Variants in SMYD3 observed in about 807,000 individuals in gnomAD.
The protein encoded by SMYD3 is histone-lysine N-methyltransferase SMYD3.
Under a neutral mutation model 57.7 loss-of-function variants are expected in SMYD3, and 36 were observed. The ratio of observed to expected loss-of-function variants is 0.62; its 90% CI spans 0.48 to 0.82. The LOEUF (loss-of-function observed/expected upper bound fraction) is 0.82, where lower values mean the gene tolerates loss of function less well. Among genes scored for constraint, SMYD3 ranks in the 40% least tolerant of loss-of-function variants. The pLI is 0.00. For synonymous variants in SMYD3, 211 were observed against 195.0 expected, an observed-to-expected ratio of 1.08 and a Z score of -0.68; for missense variants, 515 against 538.8, an observed-to-expected ratio of 0.96 and a Z score of 0.44.
In SMYD3 at chr1:246,058,623, C is replaced by T. The variant is rs73135706; in HGVS notation, c.532-128686G>A. Among the ~76,000 whole-genome samples the T allele has an allele frequency of 9.6e-3, 1,467 of 152,212 alleles. 20 individuals carry two copies. The highest frequency in any genetic ancestry group is 0.033 in the African/African-American group (1,372 of 41,532). ...GAAGATTGTCTTTCAAAAGCCAGTA[C>T]AAGGAAGCTTGAGGAAAGCTTTTTA... On this transcript the variant is annotated intron_variant, in intron 5 of 11. Coordinates refer to ENST00000490107, the MANE Select transcript of SMYD3 (RefSeq NM_001167740.2).
chr1:245,985,802 A>G (rs2058692689), intron 5 of SMYD3, among the ~76,000 whole-genome samples: 1 of 152,164 alleles, frequency 6.6e-6, no homozygotes, highest in Non-Finnish European at 1.5e-5. Flanking sequence ...GAAAATTATT[A>G]AAATCCCTGC....
intron 5 of SMYD3, among the ~76,000 whole-genome samples, chr1:246,148,885 G>A (rs756685293): frequency 6.6e-5 from 10 of 152,214 alleles, no homozygotes; most frequent in Non-Finnish European, 1.3e-4. Context: ...CAGAGTTACT[G>A]CAGCACTTAA....
intron 5 of SMYD3, among the ~76,000 whole-genome samples, chr1:246,047,491 C>T (rs78687958): frequency 0.032 from 4,904 of 152,188 alleles, 277 homozygotes; most frequent in African/African-American, 0.11. Context: ...ATTGTATTAC[C>T]TCAAAGCATA....
rs574374998 is a variant in SMYD3 at position 246,369,524 on chromosome 1, TTTTC to T, written c.165-14434_165-14431del. On this transcript the variant is annotated intron_variant, in intron 1 of 11. Coordinates refer to ENST00000490107, the MANE Select transcript of SMYD3 (RefSeq NM_001167740.2). The stretch of plus-strand genomic sequence containing the variant: ...GAAAATAGAATTGATTTGGATTCAT[TTTTC>T]TTTCTTTTTTATTTTTGAGACAGGG... Among the ~76,000 whole-genome samples, 52 of 152,128 alleles carry T rather than the reference TTTTC, an allele frequency of 3.4e-4. 1 individual carries two copies. The East Asian group carries it at 7.5e-3, about 22-fold the overall frequency.
chr1:246,384,562 A>AT (rs1376957068), intron 1 of SMYD3, among the ~76,000 whole-genome samples: 37 of 152,146 alleles, frequency 2.4e-4, no homozygotes, highest in African/African-American at 8.7e-4. Context: ...CGCCCGGCTA[A>AT]TTTTTTGTAT....
chr1:246,243,097 G>C (rs905134067), intron 5 of SMYD3, among the ~76,000 whole-genome samples: 1 of 152,134 alleles, frequency 6.6e-6, no homozygotes, highest in Admixed American at 6.5e-5. Context: ...TCTGCACCAA[G>C]TGGACCTAAT....
chr1:246,504,081 A>T (rs766323660), intron 1 of SMYD3, among the ~76,000 whole-genome samples: 5 of 152,140 alleles, frequency 3.3e-5, no homozygotes, highest in Non-Finnish European at 5.9e-5. Context: ...GCCATTCCTT[A>T]ATGAGAGGAA....
chr1:246,420,196 C>CAAA (rs58293193), intron 1 of SMYD3, among the ~76,000 whole-genome samples: 2 of 112,540 alleles, frequency 1.8e-5, no homozygotes, highest in African/African-American at 3.2e-5. Flanking sequence ...AAGACTGTCT[C>CAAA]AAAAAAAAAA....
chr1:245,857,200 T>C (rs1476443271), intron 10 of SMYD3, among the ~76,000 whole-genome samples: 1 of 152,186 alleles, frequency 6.6e-6, no homozygotes, highest in Non-Finnish European at 1.5e-5. Context: ...CCCGAAAACA[T>C]GCTCAGGGTC....
intron 1 of SMYD3, among the ~76,000 whole-genome samples, chr1:246,492,366 A>G (rs1558489697): frequency 6.6e-6 from 1 of 152,208 alleles, no homozygotes; most frequent in Non-Finnish European, 1.5e-5. Flanking sequence ...TCCAGTGTGC[A>G]GCTAAAGCTA....
At chr1:245,858,085 G>A (rs1189991395) in intron 10 of SMYD3, among the ~76,000 whole-genome samples, 1 of 152,176 alleles carries the variant, frequency 6.6e-6, no homozygotes, top group Non-Finnish European at 1.5e-5. Flanking sequence ...GCCAGACCAA[G>A]GGCCCCATAT....
At chr1:246,089,505 C>G (rs1405257914) in intron 5 of SMYD3, among the ~76,000 whole-genome samples, 2 of 152,136 alleles carry the variant, frequency 1.3e-5, no homozygotes, top group African/African-American at 4.8e-5. Flanking sequence ...GCCAGAATAG[C>G]TTAGATTCCT....
At chr1:246,318,911 T>C (rs2065205622) in intron 5 of SMYD3, among the ~76,000 whole-genome samples, 1 of 152,190 alleles carries the variant, frequency 6.6e-6, no homozygotes, top group African/African-American at 2.4e-5. Context: ...ATACACCAAC[T>C]CATCATAGGT....
At chr1:246,148,686 A>G (rs2061895124) in intron 5 of SMYD3, among the ~76,000 whole-genome samples, 1 of 152,238 alleles carries the variant, frequency 6.6e-6, no homozygotes, top group Non-Finnish European at 1.5e-5. Context: ...CCTGCTGTTC[A>G]ACAAACACTG....
At chr1:245,816,608 G>C (rs1447224920) in intron 10 of SMYD3, among the ~76,000 whole-genome samples, 1 of 151,516 alleles carries the variant, frequency 6.6e-6, no homozygotes, top group Non-Finnish European at 1.5e-5. Flanking sequence ...CATAGAAGAC[G>C]GTGATTTCTG....
At chr1:246,337,833 G>C (rs1200152690) in intron 2 of SMYD3, among the ~76,000 whole-genome samples, 3 of 152,184 alleles carry the variant, frequency 2.0e-5, no homozygotes, top group East Asian at 1.9e-4. Context: ...TAGCTTACCA[G>C]GGTGAGATAA....
chr1:245,863,933 C>T, intron 8 of SMYD3, 47 bp from the exon 9 acceptor site: 1 of 1,563,250 alleles, frequency 6.4e-7, no homozygotes, highest in African/African-American at 1.4e-5. Flanking sequence ...TAGTAATAGG[C>T]AAAGGACGTG....
chr1:246,144,025 G>A (rs1438078374), intron 5 of SMYD3, among the ~76,000 whole-genome samples: 1 of 152,212 alleles, frequency 6.6e-6, no homozygotes, highest in African/African-American at 2.4e-5. Context: ...TTTAGCTGGA[G>A]GAAAAGCTGG....
intron 1 of SMYD3, among the ~76,000 whole-genome samples, chr1:246,485,217 T>C (rs565181698): frequency 2.0e-5 from 3 of 151,708 alleles, no homozygotes; most frequent in South Asian, 4.2e-4. Flanking sequence ...ATACCTAAAC[T>C]ATTGCACTAG....
Sources: allele counts gnomAD v4.1 joint callset (sites outside exome capture counted in the v4.1 genomes callset), GRCh38; gene constraint gnomAD v4.1.1; transcripts MANE v1.5; gene names NCBI Gene and HGNC (gene_info 2026-07-23, HGNC 2026-07-21).